UNC5C: variants seen among roughly 807,000 people sequenced by gnomAD.
UNC5C encodes netrin receptor UNC5C.
A neutral mutation model predicts 99.8 loss-of-function variants in UNC5C; 47 were observed. The ratio of observed to expected loss-of-function variants is 0.47; its 90% CI spans 0.37 to 0.60. UNC5C has a LOEUF of 0.60. Among genes scored for constraint, UNC5C ranks in the 20% least tolerant of loss-of-function variants. The pLI, the probability that UNC5C is intolerant of heterozygous loss-of-function variation, is 0.00. For synonymous variants in UNC5C, 487 were observed against 452.2 expected, an observed-to-expected ratio of 1.08 and a Z score of -0.98; for missense variants, 1,062 against 1,165.9, an observed-to-expected ratio of 0.91 and a Z score of 1.30.
In UNC5C at chr4:95,267,949, A is replaced by ATTTTTTTTTTTTTTT. The variant is rs869293955; in HGVS notation, c.594+10295_594+10309dup. Among the ~76,000 whole-genome samples the ATTTTTTTTTTTTTTT allele has an allele frequency of 3.2e-4, 38 of 117,564 alleles. 1 individual carries two copies. Among genetic ancestry groups the ATTTTTTTTTTTTTTT allele is most frequent in the African/African-American group, 6.5e-4 (19 of 29,164 alleles). The allele number at this position is 117,564 out of a possible 152,430, so 77.1% of individuals were successfully genotyped here. A position where few individuals can be genotyped will look rare whatever the true frequency, so the allele number is the denominator to read the frequency against. Reference sequence around the variant, plus strand: ...ATGATCCTGTAGGCTGAATTTTGTGATTTTTTTTTTTTTTTTTTGAGACGG... The same window carrying ATTTTTTTTTTTTTTT: ...ATGATCCTGTAGGCTGAATTTTGTGATTTTTTTTTTTTTTTTTTTTTTTTTTTTTTTTTGAGACGG... On this transcript the variant is annotated intron_variant, in intron 4 of 15. Coordinates refer to ENST00000453304, the MANE Select transcript of UNC5C (RefSeq NM_003728.4).
At chr4:95,254,834 A>G (rs879689177) in intron 4 of UNC5C, among the ~76,000 whole-genome samples, 3 of 152,156 alleles carry the variant, frequency 2.0e-5, no homozygotes, top group Admixed American at 2.0e-4. Context: ...CCTACAATCT[A>G]TTGAATTTAC....
chr4:95,446,450 A>G (rs558165324), intron 1 of UNC5C, among the ~76,000 whole-genome samples: 3 of 152,244 alleles, frequency 2.0e-5, no homozygotes, highest in Non-Finnish European at 4.4e-5. Flanking sequence ...TATTTAGATT[A>G]CATTTATATG....
intron 1 of UNC5C, among the ~76,000 whole-genome samples, chr4:95,467,358 G>A (rs1747814878): frequency 6.6e-6 from 1 of 152,154 alleles, no homozygotes; most frequent in Non-Finnish European, 1.5e-5. Flanking sequence ...TGCAATCAGT[G>A]TGTGTGTGCA....
chr4:95,234,578 A>G (rs1739038377), intron 7 of UNC5C, among the ~76,000 whole-genome samples: 1 of 152,176 alleles, frequency 6.6e-6, no homozygotes, highest in Non-Finnish European at 1.5e-5. Flanking sequence ...AAAACAATTA[A>G]GTATGTGCTT....
At chr4:95,191,772 A>G (rs1345089773) in intron 12 of UNC5C, among the ~76,000 whole-genome samples, 1 of 113,682 alleles carries the variant, frequency 8.8e-6, no homozygotes, top group Non-Finnish European at 1.8e-5. Flanking sequence ...TCCCCTGCTC[A>G]CCTCTTCTGC....
intron 12 of UNC5C, among the ~76,000 whole-genome samples, chr4:95,199,372 C>T (rs1392620668): frequency 6.6e-6 from 1 of 152,070 alleles, no homozygotes; most frequent in African/African-American, 2.4e-5. Flanking sequence ...TTGCCTATAA[C>T]TAGGATTTTG....
At chr4:95,183,114 C>T in intron 13 of UNC5C, 53 bp from the exon 14 acceptor site, 1 of 1,547,178 alleles carries the variant, frequency 6.5e-7, no homozygotes, top group South Asian at 1.2e-5. Context: ...CCAAAAATAA[C>T]TCTCAGATGG....
chr4:95,439,382 G>GT (rs199747162), intron 1 of UNC5C, among the ~76,000 whole-genome samples: 8 of 125,268 alleles, frequency 6.4e-5, no homozygotes, highest in African/African-American at 1.9e-4. Context: ...ATGAGGTTTT[G>GT]GTTTTTTTTT....
At chr4:95,243,519 T>C (rs367643792) in intron 6 of UNC5C, among the ~76,000 whole-genome samples, 10 of 152,194 alleles carry the variant, frequency 6.6e-5, no homozygotes, top group African/African-American at 2.2e-4. Flanking sequence ...TATATAATTA[T>C]GATGATCAAG....
At chr4:95,511,772 C>A (rs576634879) in intron 1 of UNC5C, among the ~76,000 whole-genome samples, 2 of 151,940 alleles carry the variant, frequency 1.3e-5, no homozygotes, top group South Asian at 4.2e-4. Flanking sequence ...AGAAAGATGT[C>A]GACATTCAGA....
chr4:95,214,629 G>A (rs1356201320), intron 10 of UNC5C, among the ~76,000 whole-genome samples: 1 of 152,208 alleles, frequency 6.6e-6, no homozygotes, highest in Non-Finnish European at 1.5e-5. Context: ...TTGATCTTCA[G>A]CTGCAGATAA....
In UNC5C at chr4:95,249,059, A is replaced by G. The variant is rs75517890; in HGVS notation, c.775+1428T>C. ...ACCTTTTCTATGTTTAGATATATAA[A>G]TGCTTACCATTTTGTTACAGTTTCC... is the stretch of plus-strand genomic sequence containing the variant. On this transcript the variant is annotated intron_variant, in intron 5 of 15. Transcript: ENST00000453304. Among the ~76,000 whole-genome samples, 1,198 of 152,234 alleles carry G rather than the reference A, an allele frequency of 7.9e-3. 10 individuals carry two copies. The highest frequency in any genetic ancestry group is 0.027 in the African/African-American group (1,127 of 41,538).
At chr4:95,301,874 T>G in intron 2 of UNC5C, 125 bp from the exon 3 acceptor site, 1 of 1,201,716 alleles carries the variant, frequency 8.3e-7, no homozygotes, top group Non-Finnish European at 1.1e-6. Flanking sequence ...CCAGATATTG[T>G]CTCTCATCTC....
chr4:95,382,808 G>T (rs1202424157), intron 1 of UNC5C, among the ~76,000 whole-genome samples: 1 of 152,202 alleles, frequency 6.6e-6, no homozygotes, highest in Non-Finnish European at 1.5e-5. Context: ...AAAGCCAGAA[G>T]TGAGCAACTT....
chr4:95,327,867 C>T lies in UNC5C; in HGVS notation c.346+7543G>A, dbSNP rs1034202562. On this transcript the variant is annotated intron_variant, in intron 2 of 15. Transcript: ENST00000453304. ...AAACTGTTCCTGTGACCTGATTCTTCCTTAATGATGAAAAAGAATTCAGGA... is the reference window on the plus strand; with the variant it reads ...AAACTGTTCCTGTGACCTGATTCTTTCTTAATGATGAAAAAGAATTCAGGA... Among the ~76,000 whole-genome samples, 10 of 152,018 alleles carry T rather than the reference C, an allele frequency of 6.6e-5. No homozygotes were observed. The East Asian group carries it at 1.8e-3, about 27-fold the overall frequency.
intron 4 of UNC5C, among the ~76,000 whole-genome samples, chr4:95,252,123 T>A (rs1473386954): frequency 1.3e-5 from 2 of 152,208 alleles, no homozygotes; most frequent in East Asian, 3.8e-4. Flanking sequence ...TATATACTCA[T>A]ATTCACTTGA....
intron 1 of UNC5C, among the ~76,000 whole-genome samples, chr4:95,413,509 T>G (rs1746064479): frequency 1.3e-5 from 2 of 152,144 alleles, no homozygotes; most frequent in Admixed American, 6.5e-5. Context: ...TTATGCCACA[T>G]TTGTATGGAG....
intron 1 of UNC5C, among the ~76,000 whole-genome samples, chr4:95,367,032 C>T (rs1744593436): frequency 1.3e-5 from 2 of 152,068 alleles, no homozygotes; most frequent in South Asian, 2.1e-4. Context: ...ATCATTTCAT[C>T]TTCACTAAGA....
chr4:95,387,498 T>A (rs893475735), intron 1 of UNC5C, among the ~76,000 whole-genome samples: 2 of 152,086 alleles, frequency 1.3e-5, no homozygotes, highest in Admixed American at 6.6e-5. Flanking sequence ...AAATTGAAGA[T>A]CCTGACATTT....
Sources: allele counts gnomAD v4.1 joint callset (sites outside exome capture counted in the v4.1 genomes callset), GRCh38; gene constraint gnomAD v4.1.1; transcripts MANE v1.5; gene names NCBI Gene and HGNC (gene_info 2026-07-23, HGNC 2026-07-21).